The following LRRN4 variants were observed in gnomAD, a reference collection of about 807,000 sequenced individuals.
LRRN4 encodes leucine rich repeat neuronal 4, also known as leucine-rich repeat neuronal protein 4.
LRRN4 carries 26 observed loss-of-function variants against 22.3 expected under a neutral mutation model. That is an observed-to-expected ratio of 1.16 (90% confidence interval 0.85 to 1.62). The LOEUF (loss-of-function observed/expected upper bound fraction) is 1.62. Among genes scored for constraint, LRRN4 ranks in the 40% most tolerant of loss-of-function variants. The pLI, the probability that LRRN4 is intolerant of heterozygous loss-of-function variation, is 0.00. For synonymous variants in LRRN4, 496 were observed against 486.2 expected, an observed-to-expected ratio of 1.02 and a Z score of -0.26; for missense variants, 1,070 against 1,008.5, an observed-to-expected ratio of 1.06 and a Z score of -0.83.
Position 6,044,526 on chromosome 20 carries a change from C to T in LRRN4, c.998+17G>A, listed in dbSNP as rs1478920565. On this transcript the variant is annotated intron_variant, in intron 4 of 4. Transcript: ENST00000378858. ...CTGACCCTCTGCCCTCAGCCATCTG[C>T]TTTGTAAATGTGTTACCTGCTTAGG... The T allele has an allele frequency of 6.7e-7, 1 of 1,491,666 alleles. No homozygotes were observed. Among genetic ancestry groups the T allele is most frequent in the Non-Finnish European group, 9.0e-7 (1 of 1,116,246 alleles). 92.4% of individuals were successfully genotyped at this position (1,491,666 alleles called of 1,614,324 possible). A position where few individuals can be genotyped will look rare whatever the true frequency, so the allele number is the denominator to read the frequency against.
chr20:6,052,062 G>T, intron 2 of LRRN4, 83 bp downstream of exon 2: 1 of 1,460,764 alleles, frequency 6.8e-7, no homozygotes, highest in South Asian at 1.4e-5. Flanking sequence ...CCTCGAGGAA[G>T]AACGCAGCCC....
chr20:6,052,460 G>T lies in LRRN4; in HGVS notation c.340C>A (p.Leu114Met). The change falls in exon 2 of 5, where the codon CTG becomes ATG. Residue 114 changes from leucine to methionine, a missense_variant. Leu to Met is a conservative substitution (Grantham distance 15). Transcript: ENST00000378858. ...GCCGGCCCACCCGGGCCCCAGCGCA[G>T]CGCGGCGATGCGGTTGTGGCGCAGG... ...LTLRHNRIAA[L>M]RWGPGGPAGL... The T allele has an allele frequency of 6.4e-7, 1 of 1,559,998 alleles. No homozygotes were observed.
intron 3 of LRRN4, among the ~76,000 whole-genome samples, chr20:6,047,660 G>A (rs181610462): frequency 7.9e-5 from 12 of 151,724 alleles, no homozygotes; most frequent in Admixed American, 2.0e-4. Context: ...GTGTGGTGGC[G>A]TGTACCTGTA....
chr20:6,043,842 A>T (rs1981035497), intron 4 of LRRN4, among the ~76,000 whole-genome samples: 1 of 151,998 alleles, frequency 6.6e-6, no homozygotes, highest in Non-Finnish European at 1.5e-5. Flanking sequence ...CAGGAGGTTG[A>T]GGCTGTAATG....
chr20:6,051,260 A>G (rs1421522709), intron 2 of LRRN4, among the ~76,000 whole-genome samples: 1 of 152,240 alleles, frequency 6.6e-6, no homozygotes, highest in East Asian at 1.9e-4. Context: ...CGGCAGAGAC[A>G]AGGCTTGAAC....
At position 6,043,477 on chromosome 20, in the gene LRRN4, G is replaced by A. The variant is rs1385571478; in HGVS notation, c.998+1066C>T. ...GCTGGACTCTCTGGCTCCAGAGCCT[G>A]TAGTCTCAGCTTCATCATTAATACT... On this transcript the variant is annotated intron_variant, in intron 4 of 4. Coordinates refer to ENST00000378858, the MANE Select transcript of LRRN4 (RefSeq NM_152611.5). Among the ~76,000 whole-genome samples the A allele has an allele frequency of 2.0e-5, 3 of 152,178 alleles. No homozygotes were observed. The East Asian group carries it at 5.8e-4, about 29-fold the overall frequency.
At position 6,040,872 on chromosome 20, in the gene LRRN4, T is replaced by A; in HGVS notation, c.*150A>T. 1 of 1,032,882 alleles carries A rather than the reference T, an allele frequency of 9.7e-7. No individual in the cohort carries two copies. Among genetic ancestry groups the A allele is most frequent in the Middle Eastern group, 2.5e-4 (1 of 3,948 alleles). 64.0% of individuals were successfully genotyped at this position (1,032,882 alleles called of 1,614,324 possible). A position where few individuals can be genotyped will look rare whatever the true frequency, so the allele number is the denominator to read the frequency against. On this transcript the variant is annotated 3_prime_UTR_variant, in exon 5 of 5. Coordinates refer to ENST00000378858, the MANE Select transcript of LRRN4 (RefSeq NM_152611.5). ...GCAGCAGTTCCTTGGACCCAGACAC[T>A]CAGTGTGGCAAGTTCCATGTGTGCT...
In LRRN4 at chr20:6,041,089, G is replaced by A. The variant is rs781749502; in HGVS notation, c.2156C>T (p.Thr719Met). 4 of 1,613,658 alleles carry A rather than the reference G, an allele frequency of 2.5e-6. No homozygotes were observed. The highest frequency in any genetic ancestry group is 2.7e-5 in the African/African-American group (2 of 75,060). ...CGGGTTTTTGTAGGCCACCAGGTGC[G>A]TGTCGCAGCGCTGCAGGCCCAGCGT... The part of the protein sequence containing the change: ...GQTLGLQRCD[T>M]HLVAYKNPAF... The change falls in exon 5 of 5, where the codon ACG (threonine) becomes ATG (methionine). Residue 719 changes from threonine (T) to methionine (M), a missense_variant. By Grantham distance (81) the Thr-to-Met change is moderately conservative. Transcript: ENST00000378858. The surrounding 1 kb of genome is among the most constrained non-coding windows in gnomAD (Gnocchi z 9.4).
intron 4 of LRRN4, among the ~76,000 whole-genome samples, chr20:6,044,152 A>C (rs937280416): frequency 1.3e-4 from 20 of 152,174 alleles, no homozygotes; most frequent in African/African-American, 4.8e-4. Flanking sequence ...CGGGCCTAGG[A>C]CTGGATAACC....
chr20:6,043,457 ACT>A (rs1981020564), intron 4 of LRRN4, among the ~76,000 whole-genome samples: 4 of 151,410 alleles, frequency 2.6e-5, no homozygotes, highest in South Asian at 2.1e-4. Context: ...ATGAAGCTGG[ACT>A]CTCTGGCTCC....
chr20:6,044,562 T>G lies in LRRN4; in HGVS notation c.979A>C (p.Lys327Gln), dbSNP rs1257288575. The G allele has an allele frequency of 1.9e-6, 3 of 1,583,510 alleles. No individual in the cohort carries two copies. The stretch of plus-strand genomic sequence containing the variant: ...TGTTACCTGCTTAGGACAGTTCTCT[T>G]TGCATCCGTGAGGAGCCAAGACAAG... Reference protein sequence around the residue: ...CDLSWLLTDAKRTVLSRAADT... With the variant: ...CDLSWLLTDAQRTVLSRAADT... Residue 327 changes from lysine to glutamine, a missense_variant, in exon 4 of 5, where the codon AAG becomes CAG. Coordinates refer to ENST00000378858, the MANE Select transcript of LRRN4 (RefSeq NM_152611.5).
At chr20:6,050,676 G>T in intron 3 of LRRN4, 103 bp downstream of exon 3, 2 of 1,119,904 alleles carry the variant, frequency 1.8e-6, no homozygotes, top group Non-Finnish European at 2.7e-6. Flanking sequence ...ATTTGGAAGA[G>T]TAGTGGGAGA....
chr20:6,041,939 A>G lies in LRRN4; in HGVS notation c.1306T>C (p.Ser436Pro). The G allele has an allele frequency of 6.2e-7, 1 of 1,613,970 alleles. No homozygotes were observed. Among genetic ancestry groups the G allele is most frequent in the Non-Finnish European group, 8.5e-7 (1 of 1,179,982 alleles). The change falls in exon 5 of 5, where the codon TCT becomes CCT. Residue 436 changes from serine to proline, a missense_variant. By Grantham distance (74) the Ser-to-Pro change is moderately conservative. Transcript: ENST00000378858. This position sits in a 1 kb window ranked among gnomAD's most constrained non-coding sequence, Gnocchi z 9.4. Reference protein sequence around the residue: ...REGTAPSTTNSVAGHSNSSVF... With the variant: ...REGTAPSTTNPVAGHSNSSVF... Reference sequence around the variant, plus strand: ...CTGGAGTTGCTGTGACCTGCTACAGAGTTGGTCGTGGAGGGGGCAGTCCCC... The same window carrying G: ...CTGGAGTTGCTGTGACCTGCTACAGGGTTGGTCGTGGAGGGGGCAGTCCCC...
intron 2 of LRRN4, among the ~76,000 whole-genome samples, chr20:6,051,316 A>G (rs1981239967): frequency 6.6e-6 from 1 of 152,224 alleles, no homozygotes; most frequent in Non-Finnish European, 1.5e-5. Flanking sequence ...CTTCTCATTA[A>G]AGTCCACACA....
Position 6,052,234 on chromosome 20 carries a change from C to A in LRRN4, c.566G>T (p.Gly189Val), listed in dbSNP as rs747126465. Residue 189 changes from glycine to valine, a missense_variant, in exon 2 of 5, where the codon GGC (glycine) becomes GTC (valine). Physicochemically the swap from Gly to Val is moderately radical, Grantham distance 109. Transcript: ENST00000378858. ...TCCAGCGAACGCCGCCTCGGCGATG[C>A]CCCCCTGGGCTCCGCGACCCAGCGC... ...CTALGRGAQG[G>V]IAEAAFAGED... 2 of 1,570,024 alleles carry A rather than the reference C, an allele frequency of 1.3e-6. No homozygotes were observed. The highest frequency in any genetic ancestry group is 1.8e-5 in the Admixed American group (1 of 54,104).
chr20:6,050,933 T>C lies in LRRN4; in HGVS notation c.706A>G (p.Arg236Gly). ...DLPKLTSLYLRKMPRLTTLEG... is the reference protein window; with the variant it reads ...DLPKLTSLYLGKMPRLTTLEG... ...AGGGTCGTCAGCCGAGGCATCTTCC[T>C]CAGGTAGAGGGATGTGAGCTTCGGC... is the stretch of plus-strand genomic sequence containing the variant. Residue 236 changes from arginine to glycine, a missense_variant, in exon 3 of 5, where the codon AGG becomes GGG. Transcript: ENST00000378858. 6.2e-7 allele frequency: 1 copy of C among 1,614,112 alleles called. No individual in the cohort carries two copies. The highest frequency in any genetic ancestry group is 8.5e-7 in the Non-Finnish European group (1 of 1,180,024).
At chr20:6,050,548 G>A (rs929526075) in intron 3 of LRRN4, among the ~76,000 whole-genome samples, 1 of 152,182 alleles carries the variant, frequency 6.6e-6, no homozygotes, top group Non-Finnish European at 1.5e-5. Flanking sequence ...ATAGGAGTTT[G>A]GCGTTCTAAT....
At position 6,052,236 on chromosome 20, in the gene LRRN4, C is replaced by T. The variant is rs6053858; in HGVS notation, c.564G>A (p.Gly188=). 0.017 allele frequency: 27,120 copies of T among 1,567,906 alleles called. 3,503 individuals are homozygous for T. The African/African-American group carries it at 0.3, about 17-fold the overall frequency. Residue 188 remains glycine, a synonymous_variant, in exon 2 of 5, where the codon GGG becomes GGA. Transcript: ENST00000378858. The stretch of plus-strand genomic sequence containing the variant: ...CAGCGAACGCCGCCTCGGCGATGCC[C>T]CCCTGGGCTCCGCGACCCAGCGCGG... ...SCTALGRGAQ[G]GIAEAAFAGE...
chr20:6,042,153 G>T lies in LRRN4; in HGVS notation c.1092C>A (p.Ser364=). ...SLSQLPGVCQ[S]DQSTTLGASH... is the part of the protein sequence containing the mutation. ...AAGCCCCGAGAGTGGTGCTTTGGTC[G>T]GACTGGCACACTCCGGGCAGCTGGG... is the stretch of plus-strand genomic sequence containing the variant. Residue 364 remains serine, a synonymous_variant, in exon 5 of 5, where the codon TCC becomes TCA. Coordinates refer to ENST00000378858, the MANE Select transcript of LRRN4 (RefSeq NM_152611.5). 6.2e-7 allele frequency: 1 copy of T among 1,614,176 alleles called. No homozygotes were observed. Among genetic ancestry groups the T allele is most frequent in the South Asian group, 1.1e-5 (1 of 91,090 alleles).
Sources: gnomAD v4.1 joint callset for allele counts (sites outside exome capture counted in the v4.1 genomes callset) on GRCh38, gnomAD v4.1.1 for gene constraint, Gnocchi (gnomAD v3.1) non-coding constraint, MANE v1.5 for transcripts, NCBI Gene and HGNC (gene_info 2026-07-23, HGNC 2026-07-21) for gene names.